The following FYN variants were observed in gnomAD, a reference collection of about 807,000 sequenced individuals.
FYN encodes FYN proto-oncogene, Src family tyrosine kinase, also known as tyrosine-protein kinase Fyn.
FYN carries 10 observed loss-of-function variants against 70.2 expected under a neutral mutation model. The ratio of observed to expected loss-of-function variants is 0.14; its 90% CI spans 0.09 to 0.24. The LOEUF (loss-of-function observed/expected upper bound fraction) is 0.24, where lower values mean the gene tolerates loss of function less well. Among genes scored for constraint, FYN ranks in the 10% least tolerant of loss-of-function variants. FYN has a pLI of 1.00. For synonymous variants in FYN, 236 were observed against 248.6 expected, an observed-to-expected ratio of 0.95 and a Z score of 0.48; for missense variants, 319 against 673.1, an observed-to-expected ratio of 0.47 and a Z score of 5.82.
At chr6:111,773,800 A>G (rs1462015833) in intron 3 of FYN, among the ~76,000 whole-genome samples, 1 of 152,146 alleles carries the variant, frequency 6.6e-6, no homozygotes, top group East Asian at 1.9e-4. Context: ...TTTTCATTCA[A>G]TATGGTTTTA....
intron 3 of FYN, among the ~76,000 whole-genome samples, chr6:111,780,257 C>T (rs1172023721): frequency 2.0e-5 from 3 of 152,194 alleles, no homozygotes; most frequent in Admixed American, 1.3e-4. Context: ...AAGTTTATTA[C>T]TCTTATATTA....
chr6:111,743,271 CT>C, intron 3 of FYN, among the ~76,000 whole-genome samples: 1 of 152,078 alleles, frequency 6.6e-6, no homozygotes, highest in African/African-American at 2.4e-5. Context: ...GGCCAAGAAT[CT>C]TTTACATCGT....
chr6:111,819,776 T>C (rs1318090688), intron 2 of FYN: 2 of 152,168 alleles, frequency 1.3e-5, no homozygotes, highest in Non-Finnish European at 2.9e-5. Context: ...TTCAGCTCAT[T>C]ACTGTTCATA....
At chr6:111,697,962 G>A (rs1380558059) in intron 9 of FYN, among the ~76,000 whole-genome samples, 1 of 152,204 alleles carries the variant, frequency 6.6e-6, no homozygotes, top group African/African-American at 2.4e-5. Context: ...TAAGTCCAGA[G>A]AGAGATGGAC....
At chr6:111,857,082 C>T (rs1338106936) in intron 1 of FYN, among the ~76,000 whole-genome samples, 1 of 152,142 alleles carries the variant, frequency 6.6e-6, no homozygotes, top group Non-Finnish European at 1.5e-5. Context: ...TAACTACTTA[C>T]AAATTATACT....
At chr6:111,848,190 G>A (rs991386856) in intron 1 of FYN, among the ~76,000 whole-genome samples, 1 of 152,166 alleles carries the variant, frequency 6.6e-6, no homozygotes, top group African/African-American at 2.4e-5. Flanking sequence ...TTCTGCAGAG[G>A]CTCAGAAAAG....
rs559728690 is a variant in FYN, at chr6:111,814,911, G to T, written c.-82+31678C>A. Among the ~76,000 whole-genome samples the T allele has an allele frequency of 3.3e-5, 5 of 152,308 alleles. No individual in the cohort carries two copies. The South Asian group carries it at 1.0e-3, about 32-fold the overall frequency. On this transcript the variant is annotated intron_variant, in intron 2 of 13. Transcript: ENST00000354650. The stretch of plus-strand genomic sequence containing the variant: ...TATGTTCTCAACTTTTAAAAAAATT[G>T]TAAAATGTAATTCCTGGATAATCTC...
At chr6:111,811,860 TG>T (rs750556863) in intron 2 of FYN, among the ~76,000 whole-genome samples, 12 of 152,144 alleles carry the variant, frequency 7.9e-5, no homozygotes, top group Non-Finnish European at 1.3e-4. Flanking sequence ...GCGCCTATTG[TG>T]GGCCAAGGAC....
chr6:111,827,929 T>C (rs552470272), intron 2 of FYN, among the ~76,000 whole-genome samples: 264 of 152,292 alleles, frequency 1.7e-3, no homozygotes, highest in African/African-American at 6.3e-3. Context: ...CAGGCAGGCT[T>C]GCCCTCCTTA....
At chr6:111,683,635 T>C (rs1221648171) in intron 12 of FYN, among the ~76,000 whole-genome samples, 1 of 152,192 alleles carries the variant, frequency 6.6e-6, no homozygotes, top group Non-Finnish European at 1.5e-5. Context: ...AGAGCCCTTT[T>C]TAATTATAAA....
At chr6:111,714,470 G>A (rs1413535031) in intron 4 of FYN, 27 bp from the exon 5 acceptor site, 9 of 1,491,928 alleles carry the variant, frequency 6.0e-6, no homozygotes, top group Non-Finnish European at 8.4e-6. Context: ...CACAAGAAGG[G>A]AGATTATTAC....
chr6:111,760,178 G>A (rs1428756783), intron 3 of FYN, among the ~76,000 whole-genome samples: 2 of 152,048 alleles, frequency 1.3e-5, no homozygotes, highest in Non-Finnish European at 2.9e-5. Context: ...GCAAGCTCCT[G>A]CAACCAGCAG....
chr6:111,796,552 T>C (rs1361269373), intron 2 of FYN, among the ~76,000 whole-genome samples: 1 of 152,218 alleles, frequency 6.6e-6, no homozygotes, highest in Non-Finnish European at 1.5e-5. Context: ...TGTATCCCTG[T>C]CCTGAAGCAA....
At chr6:111,682,079 G>T (rs1014869862) in intron 12 of FYN, among the ~76,000 whole-genome samples, 1 of 152,166 alleles carries the variant, frequency 6.6e-6, no homozygotes, top group Non-Finnish European at 1.5e-5. Flanking sequence ...CTTGCCTAAG[G>T]CTGGTTAAAC....
At chr6:111,767,272 C>T (rs1803260663) in intron 3 of FYN, among the ~76,000 whole-genome samples, 4 of 152,118 alleles carry the variant, frequency 2.6e-5, no homozygotes, top group Admixed American at 2.6e-4. Context: ...AGAGTTAATT[C>T]CCTTAATATA....
At chr6:111,751,443 C>G (rs1021631039) in intron 3 of FYN, among the ~76,000 whole-genome samples, 1 of 114,144 alleles carries the variant, frequency 8.8e-6, no homozygotes, top group Admixed American at 9.6e-5. Flanking sequence ...CTCACAAAAA[C>G]AACAAACAAT....
At chr6:111,705,742 G>A (rs1015777801) in intron 6 of FYN, among the ~76,000 whole-genome samples, 11 of 152,072 alleles carry the variant, frequency 7.2e-5, no homozygotes, top group African/African-American at 1.4e-4. Flanking sequence ...TCAGCTATTC[G>A]GGAGGCTGGG....
chr6:111,775,591 C>T (rs1583432754), intron 3 of FYN, among the ~76,000 whole-genome samples: 1 of 152,126 alleles, frequency 6.6e-6, no homozygotes, highest in Non-Finnish European at 1.5e-5. Context: ...AAAGGCGGGG[C>T]CAGACTGCTG....
chr6:111,696,557 A>G, intron 9 of FYN, 101 bp from the exon 10 acceptor site: 1 of 937,490 alleles, frequency 1.1e-6, no homozygotes, highest in East Asian at 2.8e-5. Context: ...TTTAAATTTA[A>G]AACACTTAAT....
Sources: allele counts gnomAD v4.1 joint callset (sites outside exome capture counted in the v4.1 genomes callset), GRCh38; gene constraint gnomAD v4.1.1; transcripts MANE v1.5; gene names NCBI Gene and HGNC (gene_info 2026-07-23, HGNC 2026-07-21).